The following IPO11 variants were observed in gnomAD, a reference collection of about 807,000 sequenced individuals.
IPO11 encodes the protein importin-11.
In IPO11, 66 loss-of-function variants were observed where a neutral mutation model predicts 143.2. The ratio of observed to expected loss-of-function variants is 0.46; its 90% CI spans 0.38 to 0.57. IPO11 has a LOEUF of 0.57. Among genes scored for constraint, IPO11 ranks in the 20% least tolerant of loss-of-function variants. The pLI, the probability that IPO11 is intolerant of heterozygous loss-of-function variation, is 0.00. For synonymous variants in IPO11, 385 were observed against 377.8 expected, an observed-to-expected ratio of 1.02 and a Z score of -0.22; for missense variants, 1,026 against 1,141.0, an observed-to-expected ratio of 0.90 and a Z score of 1.45.
In IPO11 at chr5:62,469,644, G is replaced by T. The variant is rs555420642; in HGVS notation, c.650-606G>T. Among the ~76,000 whole-genome samples, 4 of 152,266 alleles carry T rather than the reference G, an allele frequency of 2.6e-5. No homozygotes were observed. The South Asian group carries it at 8.3e-4, about 32-fold the overall frequency. ...ACCGCATTTTACAGATGAGGAAACTGAGATGAGAAATGTTGCCCAAAGTAG... is the reference window on the plus strand; with the variant it reads ...ACCGCATTTTACAGATGAGGAAACTTAGATGAGAAATGTTGCCCAAAGTAG... On this transcript the variant is annotated intron_variant, in intron 6 of 29. Transcript: ENST00000325324.
At chr5:62,581,254 A>G in intron 27 of IPO11, 1 of 1,537,928 alleles carries the variant, frequency 6.5e-7, no homozygotes, top group Non-Finnish European at 8.7e-7. Flanking sequence ...TCATAAACAA[A>G]TTGTTCCTGA....
rs766357261 is a variant in IPO11, at chr5:62,499,023, T to C, written c.1590+4899T>C. ...AACTGTGGTATAATCAGAAAGCGTG[T>C]AGTTTGAGGGTGTGGTGTGGTTGCT... On this transcript the variant is annotated intron_variant, in intron 16 of 29. Coordinates refer to ENST00000325324, the MANE Select transcript of IPO11 (RefSeq NM_016338.5). Among the ~76,000 whole-genome samples, 124 of 152,264 alleles carry C rather than the reference T, an allele frequency of 8.1e-4. 2 individuals carry two copies. Among genetic ancestry groups the C allele is most frequent in the Non-Finnish European group, 1.5e-3 (105 of 68,006 alleles).
At chr5:62,428,435 C>G (rs1428888057) in intron 1 of IPO11, among the ~76,000 whole-genome samples, 6 of 152,028 alleles carry the variant, frequency 3.9e-5, no homozygotes, top group Non-Finnish European at 8.8e-5. Flanking sequence ...CCTCCGCCTC[C>G]CGGGTTCATG....
Position 62,447,733 on chromosome 5 carries a change from G to A in IPO11, c.240-2194G>A, listed in dbSNP as rs142438553. 7.3e-3 allele frequency among the ~76,000 whole-genome samples: 1,108 copies of A among 151,902 alleles called. 14 individuals carry two copies. Among genetic ancestry groups the A allele is most frequent in the African/African-American group, 0.025 (1,038 of 41,440 alleles). ...CTGGAGTAGCTGGGACCACAGGTGC[G>A]TGCCACCATGCCTGGCTAATTTTTG... On this transcript the variant is annotated intron_variant, in intron 3 of 29. Coordinates refer to ENST00000325324, the MANE Select transcript of IPO11 (RefSeq NM_016338.5).
chr5:62,438,027 T>C (rs1312861465), intron 2 of IPO11, among the ~76,000 whole-genome samples: 3 of 152,234 alleles, frequency 2.0e-5, no homozygotes, highest in Admixed American at 6.5e-5. Flanking sequence ...CCTTATACTT[T>C]TCTTCTGAGA....
At position 62,435,162 on chromosome 5, in the gene IPO11, G is replaced by GTA. The variant is rs1211970322; in HGVS notation, c.-6-2104_-6-2103dup. On this transcript the variant is annotated intron_variant, in intron 1 of 29. Coordinates refer to ENST00000325324, the MANE Select transcript of IPO11 (RefSeq NM_016338.5). ...TATATATGTATATATGTATATATAT[G>GTA]TATATATATGTATATATGTATATAT... 1.2e-4 allele frequency among the ~76,000 whole-genome samples: 11 copies of GTA among 91,476 alleles called. 1 individual carries two copies. Among genetic ancestry groups the GTA allele is most frequent in the South Asian group, 4.1e-4 (1 of 2,468 alleles). The allele number at this position is 91,476 out of a possible 152,430, so 60.0% of individuals were successfully genotyped here.
intron 27 of IPO11, among the ~76,000 whole-genome samples, chr5:62,584,756 T>G (rs912177701): frequency 2.5e-4 from 38 of 151,238 alleles, no homozygotes; most frequent in Admixed American, 9.3e-4. Context: ...TTTTGTTTTT[T>G]TTTTTTAAGT....
intron 1 of IPO11, among the ~76,000 whole-genome samples, chr5:62,415,142 A>C (rs1473847983): frequency 2.0e-5 from 3 of 152,204 alleles, no homozygotes; most frequent in Admixed American, 6.5e-5. Flanking sequence ...CCTGTTTATC[A>C]TGGTGGCTAT....
chr5:62,462,442 T>G (rs1745391914), intron 5 of IPO11, among the ~76,000 whole-genome samples: 1 of 151,680 alleles, frequency 6.6e-6, no homozygotes, highest in East Asian at 1.9e-4. Flanking sequence ...ATGCAAGTGG[T>G]AGAATTCTGC....
At chr5:62,554,626 C>G (rs1313272462) in intron 26 of IPO11, among the ~76,000 whole-genome samples, 1 of 146,708 alleles carries the variant, frequency 6.8e-6, no homozygotes, top group Non-Finnish European at 1.5e-5. Flanking sequence ...TTCTATTGGT[C>G]TGTGTGTGTT....
chr5:62,543,533 C>T (rs1027461909), intron 24 of IPO11, among the ~76,000 whole-genome samples: 5 of 152,110 alleles, frequency 3.3e-5, no homozygotes, highest in Non-Finnish European at 7.3e-5. Flanking sequence ...GTAGTGATAT[C>T]CCCTTTAACA....
intron 22 of IPO11, among the ~76,000 whole-genome samples, chr5:62,536,294 T>G (rs2112323107): frequency 6.6e-6 from 1 of 152,160 alleles, no homozygotes; most frequent in African/African-American, 2.4e-5. Context: ...AAAGGTTGGG[T>G]CAAATAGTTA....
At position 62,564,434 on chromosome 5, in the gene IPO11, G is replaced by A. The variant is rs114334741; in HGVS notation, c.2582+3177G>A. On this transcript the variant is annotated intron_variant, in intron 27 of 29. Coordinates refer to ENST00000325324, the MANE Select transcript of IPO11 (RefSeq NM_016338.5). ...TACATACTAGTAATTTCCTATTCTT[G>A]CGTTTCTTTTAGATTTTACAGCATA... 4.5e-3 allele frequency among the ~76,000 whole-genome samples: 687 copies of A among 152,160 alleles called. 4 individuals are homozygous for A. The highest frequency in any genetic ancestry group is 0.016 in the African/African-American group (644 of 41,526).
intron 29 of IPO11, among the ~76,000 whole-genome samples, chr5:62,610,950 GA>G (rs1745906257): frequency 6.6e-6 from 1 of 152,082 alleles, no homozygotes; most frequent in Admixed American, 6.5e-5. Flanking sequence ...TCTTAAAATG[GA>G]AAGATGTACT....
Position 62,449,922 on chromosome 5 carries a change from T to C in IPO11, c.240-5T>C. On this transcript the variant is annotated splice_region_variant and splice_polypyrimidine_tract_variant and intron_variant, in intron 3 of 29. Transcript: ENST00000325324. Reference sequence around the variant, plus strand: ...TGCATAATCAATACTTTTTTTTTTTTACAGTGCTCTCTCAGAGGAGGAGAA... The same window carrying C: ...TGCATAATCAATACTTTTTTTTTTTCACAGTGCTCTCTCAGAGGAGGAGAA... 1 of 1,494,376 alleles carries C rather than the reference T, an allele frequency of 6.7e-7. No individual in the cohort carries two copies. Among genetic ancestry groups the C allele is most frequent in the Non-Finnish European group, 9.0e-7 (1 of 1,107,084 alleles). 92.6% of individuals were successfully genotyped at this position (1,494,376 alleles called of 1,614,324 possible).
chr5:62,586,779 A>G (rs1337635757), intron 27 of IPO11, among the ~76,000 whole-genome samples: 16 of 133,224 alleles, frequency 1.2e-4, no homozygotes, highest in Non-Finnish European at 2.2e-4. Flanking sequence ...ATATATATAT[A>G]TATATATATA....
intron 3 of IPO11, among the ~76,000 whole-genome samples, chr5:62,446,102 C>G (rs1744709158): frequency 6.6e-6 from 1 of 152,104 alleles, no homozygotes; most frequent in African/African-American, 2.4e-5. Context: ...GAATGTTTAT[C>G]TTAATCTTGT....
intron 16 of IPO11, among the ~76,000 whole-genome samples, chr5:62,501,417 A>G (rs192399215): frequency 6.6e-6 from 1 of 152,346 alleles, no homozygotes; most frequent in East Asian, 1.9e-4. Context: ...TAAAACCAAG[A>G]AGAAAGGAAA....
At chr5:62,507,370 A>G (rs929442773) in intron 19 of IPO11, among the ~76,000 whole-genome samples, 1 of 152,210 alleles carries the variant, frequency 6.6e-6, no homozygotes, top group Non-Finnish European at 1.5e-5. Context: ...TTAATACATT[A>G]ATCACATTAA....
Sources: allele counts gnomAD v4.1 joint callset (sites outside exome capture counted in the v4.1 genomes callset), GRCh38; gene constraint gnomAD v4.1.1; transcripts MANE v1.5; gene names NCBI Gene and HGNC (gene_info 2026-07-23, HGNC 2026-07-21).